PDE7B: variants seen among roughly 807,000 people sequenced by gnomAD.
PDE7B encodes 3',5'-cyclic-AMP phosphodiesterase 7B.
PDE7B carries 29 observed loss-of-function variants against 56.2 expected under a neutral mutation model. The ratio of observed to expected loss-of-function variants is 0.52; its 90% CI spans 0.38 to 0.70. The LOEUF (loss-of-function observed/expected upper bound fraction) is 0.70, where lower values mean the gene tolerates loss of function less well. Ranked by LOEUF, PDE7B falls within the 30% of genes least tolerant of loss-of-function variation. PDE7B has a pLI of 0.00. For missense variants in PDE7B, 490 were observed against 565.0 expected, an observed-to-expected ratio of 0.87 and a Z score of 1.35; for synonymous variants, 197 against 196.9, an observed-to-expected ratio of 1.00 and a Z score of 0.00.
At chr6:136,009,910 A>G (rs938241491) in intron 2 of PDE7B, among the ~76,000 whole-genome samples, 1 of 152,244 alleles carries the variant, frequency 6.6e-6, no homozygotes, top group South Asian at 2.1e-4. Context: ...TCCTGGAATC[A>G]CTGATCTTTT....
At chr6:135,865,353 T>C (rs1775234470) in intron 1 of PDE7B, among the ~76,000 whole-genome samples, 1 of 152,200 alleles carries the variant, frequency 6.6e-6, no homozygotes, top group African/African-American at 2.4e-5. Context: ...TAATCTGTCA[T>C]TTATCCCATA....
At chr6:136,111,572 TC>T (rs1236922349) in intron 3 of PDE7B, among the ~76,000 whole-genome samples, 1 of 152,234 alleles carries the variant, frequency 6.6e-6, no homozygotes, top group African/African-American at 2.4e-5. Flanking sequence ...TGTATGAACA[TC>T]TGTGTTATGC....
At chr6:135,952,771 T>C (rs1339554716) in intron 2 of PDE7B, among the ~76,000 whole-genome samples, 1 of 152,034 alleles carries the variant, frequency 6.6e-6, no homozygotes, top group African/African-American at 2.4e-5. Context: ...ACGAGGTAGA[T>C]GAAAGAATAA....
intron 2 of PDE7B, among the ~76,000 whole-genome samples, chr6:135,984,358 C>T (rs1775344345): frequency 6.6e-6 from 1 of 152,144 alleles, no homozygotes; most frequent in Admixed American, 6.5e-5. Flanking sequence ...TGCATCCAGG[C>T]TAATGCTAAC....
intron 1 of PDE7B, among the ~76,000 whole-genome samples, chr6:135,940,655 G>T (rs535836933): frequency 4.6e-5 from 7 of 152,272 alleles, no homozygotes; most frequent in Admixed American, 2.6e-4. Flanking sequence ...TCAGTTCTTG[G>T]TTGGGGAAAA....
chr6:136,079,685 G>T (rs1008309361), intron 2 of PDE7B, among the ~76,000 whole-genome samples: 1 of 143,948 alleles, frequency 6.9e-6, no homozygotes, highest in Non-Finnish European at 1.5e-5. Context: ...TTAGCAGCCG[G>T]AAGTCGCAAC....
intron 1 of PDE7B, among the ~76,000 whole-genome samples, chr6:135,866,234 T>C (rs1775259397): frequency 6.6e-6 from 1 of 152,146 alleles, no homozygotes; most frequent in African/African-American, 2.4e-5. Flanking sequence ...AATATATTCA[T>C]AAAAATGCAT....
intron 2 of PDE7B, among the ~76,000 whole-genome samples, chr6:136,007,561 T>C (rs1433420929): frequency 6.6e-6 from 1 of 151,578 alleles, no homozygotes; most frequent in East Asian, 1.9e-4. Flanking sequence ...TTGTGTAAAA[T>C]GAGGATGACA....
At chr6:135,906,696 G>C (rs1776110935) in intron 1 of PDE7B, among the ~76,000 whole-genome samples, 1 of 151,390 alleles carries the variant, frequency 6.6e-6, no homozygotes, top group African/African-American at 2.4e-5. Flanking sequence ...GCACTTGCTT[G>C]ACTAAATGGT....
chr6:136,139,536 A>G (rs1347116951), intron 3 of PDE7B, among the ~76,000 whole-genome samples: 1 of 152,144 alleles, frequency 6.6e-6, no homozygotes, highest in Non-Finnish European at 1.5e-5. Flanking sequence ...ATCCTTGAGG[A>G]ATCGCCACAC....
intron 2 of PDE7B, among the ~76,000 whole-genome samples, chr6:136,032,063 G>A (rs1166820713): frequency 6.6e-6 from 1 of 152,110 alleles, no homozygotes; most frequent in Non-Finnish European, 1.5e-5. Context: ...ATTTGATTCT[G>A]CACACTACAT....
At chr6:136,034,102 G>C (rs193302441) in intron 2 of PDE7B, 2 of 152,246 alleles carry the variant, frequency 1.3e-5, no homozygotes, top group African/African-American at 4.8e-5. Context: ...TAGATTCAAA[G>C]TGAAAGAAAA....
At chr6:135,911,142 T>C (rs896981983) in intron 1 of PDE7B, among the ~76,000 whole-genome samples, 2 of 152,230 alleles carry the variant, frequency 1.3e-5, no homozygotes, top group Non-Finnish European at 2.9e-5. Context: ...AACATCTCAT[T>C]AAACATAGTC....
intron 3 of PDE7B, among the ~76,000 whole-genome samples, chr6:136,137,780 G>A (rs755632149): frequency 3.2e-4 from 49 of 151,990 alleles, no homozygotes; most frequent in Non-Finnish European, 5.0e-4. Context: ...TTGCATTTAA[G>A]CCAACCCCAA....
intron 2 of PDE7B, among the ~76,000 whole-genome samples, chr6:136,061,286 A>T (rs1459223643): frequency 6.6e-6 from 1 of 152,186 alleles, no homozygotes; most frequent in African/African-American, 2.4e-5. Context: ...TCTTAACAAA[A>T]TATTCACACC....
intron 2 of PDE7B, among the ~76,000 whole-genome samples, chr6:136,030,916 A>G (rs555990761): frequency 7.9e-5 from 12 of 152,266 alleles, no homozygotes; most frequent in Non-Finnish European, 1.6e-4. Context: ...TTAAGATTCT[A>G]TCACATATAT....
intron 2 of PDE7B, among the ~76,000 whole-genome samples, chr6:136,016,485 G>A (rs9483903): frequency 0.16 from 24,828 of 152,166 alleles, 4,680 homozygotes; most frequent in African/African-American, 0.46. Context: ...AGCTATTGTT[G>A]TATCACACAC....
Position 136,181,271 on chromosome 6 carries a change from G to C in PDE7B, c.993G>C (p.Trp331Cys). Residue 331 changes from tryptophan to cysteine, a missense_variant, in exon 11 of 13, where the codon TGG becomes TGC. Trp to Cys is a radical substitution (Grantham distance 215, BLOSUM62 -2). Transcript: ENST00000308191. Reference protein sequence around the residue: ...CADICNPCRIWEMSKQWSERV... With the variant: ...CADICNPCRICEMSKQWSERV... ...ACATTTGCAATCCTTGTAGAATCTG[G>C]GAGATGAGCAAGCAGTGGAGTGAAA... 6.2e-7 allele frequency: 1 copy of C among 1,613,908 alleles called. No homozygotes were observed. Among genetic ancestry groups the C allele is most frequent in the Non-Finnish European group, 8.5e-7 (1 of 1,179,816 alleles).
At chr6:136,189,626 T>C (rs1442823741) in intron 12 of PDE7B, among the ~76,000 whole-genome samples, 4 of 152,140 alleles carry the variant, frequency 2.6e-5, no homozygotes, top group South Asian at 2.1e-4. Context: ...GAAGCTCTAA[T>C]TGGTGAAATC....
Sources: allele counts gnomAD v4.1 joint callset (sites outside exome capture counted in the v4.1 genomes callset), GRCh38; gene constraint gnomAD v4.1.1; transcripts MANE v1.5; gene names NCBI Gene and HGNC (gene_info 2026-07-23, HGNC 2026-07-21).